ETNPPL: variants seen among roughly 807,000 people sequenced by gnomAD.
The protein encoded by ETNPPL is alanine--glyoxylate aminotransferase 2-like 1.
Under a neutral mutation model 55.5 loss-of-function variants are expected in ETNPPL, and 30 were observed. That is an observed-to-expected ratio of 0.54 (90% CI 0.40 to 0.73). The LOEUF is 0.73. Among genes scored for constraint, ETNPPL ranks in the 30% least tolerant of loss-of-function variants. ETNPPL has a pLI of 0.00. For synonymous variants in ETNPPL, 202 were observed against 207.2 expected (o/e 0.98, Z 0.21); for missense variants, 528 against 607.9 (o/e 0.87, Z 1.38).
intron 6 of ETNPPL, among the ~76,000 whole-genome samples, 154 bp downstream of exon 6, chr4:108,752,741 G>T (rs188302288): frequency 6.6e-6 from 1 of 152,154 alleles, no homozygotes; most frequent in African/African-American, 2.4e-5. Context: ...TTGTAATAAC[G>T]CATTTTTGAA....
Position 108,760,257 on chromosome 4 carries a change from C to G in ETNPPL, c.106G>C (p.Ala36Pro). ...FASDPIKIVR[A>P]QRQYMFDENG... ...TCATCAAACATGTACTGCCTCTGGG[C>G]TCTCACTATTTTGATGGGATCCGAT... Residue 36 changes from alanine to proline, a missense_variant, in exon 2 of 13, where the codon GCC (alanine) becomes CCC (proline). Physicochemically the swap from Ala to Pro is conservative, Grantham distance 27. Coordinates refer to ENST00000296486, the MANE Select transcript of ETNPPL (RefSeq NM_031279.4). 1 of 1,612,586 alleles carries G rather than the reference C, an allele frequency of 6.2e-7. No individual in the cohort carries two copies. Among genetic ancestry groups the G allele is most frequent in the East Asian group, 2.2e-5 (1 of 44,884 alleles).
At position 108,762,512 on chromosome 4, in the gene ETNPPL, T is replaced by C. The variant is rs1299313443; in HGVS notation, c.56+331A>G. The stretch of plus-strand genomic sequence containing the variant: ...CGGAGCGCTATCCTTCTTCCACCCA[T>C]CTCCCATCCCTGGAATGGTGTCTGC... On this transcript the variant is annotated intron_variant, in intron 1 of 12. Transcript: ENST00000296486. 4.5e-6 allele frequency: 3 copies of C among 669,966 alleles called. No individual in the cohort carries two copies. The South Asian group carries it at 4.6e-5, about 10-fold the overall frequency. 41.5% of individuals were successfully genotyped at this position (669,966 alleles called of 1,614,324 possible).
At position 108,747,146 on chromosome 4, in the gene ETNPPL, AT is replaced by A. The variant is rs1728575255; in HGVS notation, c.1083-296del. On this transcript the variant is annotated intron_variant, in intron 9 of 12. Transcript: ENST00000296486. ...ACATTATATATATATATATATATAT[AT>A]AATATATATATATATATTATATATA... is the stretch of plus-strand genomic sequence containing the variant. Among the ~76,000 whole-genome samples, 16 of 26,820 alleles carry A rather than the reference AT, an allele frequency of 6.0e-4. 1 individual carries two copies. Among genetic ancestry groups the A allele is most frequent in the South Asian group, 3.2e-3 (2 of 616 alleles). 17.6% of individuals were successfully genotyped at this position (26,820 alleles called of 152,430 possible).
chr4:108,742,800 T>A (rs868454581), intron 12 of ETNPPL, among the ~76,000 whole-genome samples, 188 bp from the exon 13 acceptor site: 37 of 152,200 alleles, frequency 2.4e-4, no homozygotes, highest in African/African-American at 8.4e-4. Flanking sequence ...CAACAGAAAA[T>A]CCGGGACTCC....
At chr4:108,761,544 T>C (rs1414629921) in intron 1 of ETNPPL, among the ~76,000 whole-genome samples, 1 of 152,232 alleles carries the variant, frequency 6.6e-6, no homozygotes, top group Non-Finnish European at 1.5e-5. Context: ...CACATTGCCT[T>C]TTTAATACAC....
chr4:108,750,528 G>GT (rs1728849109), intron 7 of ETNPPL, among the ~76,000 whole-genome samples: 1 of 144,992 alleles, frequency 6.9e-6, no homozygotes, highest in Admixed American at 7.0e-5. Flanking sequence ...GTGTGTGTAT[G>GT]ATATGTGATA....
intron 5 of ETNPPL, 60 bp from the exon 6 acceptor site, chr4:108,753,071 A>G (rs1728991070): frequency 3.4e-6 from 3 of 873,336 alleles, no homozygotes; most frequent in African/African-American, 3.4e-5. Context: ...CCTTAAAAAA[A>G]AGGCATTTCC....
At chr4:108,756,163 C>A (rs1729185156) in intron 4 of ETNPPL, among the ~76,000 whole-genome samples, 1 of 152,188 alleles carries the variant, frequency 6.6e-6, no homozygotes, top group Non-Finnish European at 1.5e-5. Flanking sequence ...ATGATTCATG[C>A]AAACTCCATG....
At chr4:108,742,689 A>G (rs1388791399) in intron 12 of ETNPPL, 77 bp from the exon 13 acceptor site, 1 of 1,543,164 alleles carries the variant, frequency 6.5e-7, no homozygotes, top group African/African-American at 1.4e-5. Flanking sequence ...TAACAAGTCC[A>G]CACACAAACA....
In ETNPPL at chr4:108,748,161, T is replaced by C; in HGVS notation, c.928-2A>G. 6.5e-7 allele frequency: 1 copy of C among 1,536,942 alleles called. No homozygotes were observed. The highest frequency in any genetic ancestry group is 1.2e-5 in the South Asian group (1 of 80,232). ...ACAAGATACTGGATTTCCTCCATAC[T>C]GTAAAAAAAAAAAAGACAAATGAGA... On this transcript the variant is annotated splice_acceptor_variant, in intron 8 of 12. Transcript: ENST00000296486. LOFTEE classifies it high-confidence loss of function.
At chr4:108,754,951 C>T (rs533298414) in intron 4 of ETNPPL, among the ~76,000 whole-genome samples, 1 of 152,182 alleles carries the variant, frequency 6.6e-6, no homozygotes, top group East Asian at 1.9e-4. Context: ...TCCTCATTGA[C>T]AATTTCTTTT....
Position 108,742,560 on chromosome 4 carries a change from T to C in ETNPPL, c.1424A>G (p.Lys475Arg), listed in dbSNP as rs142746027. Residue 475 changes from lysine (K) to arginine (R), a missense_variant, in exon 13 of 13, where the codon AAA (lysine) becomes AGA (arginine). Lys to Arg is a conservative substitution (Grantham distance 26, BLOSUM62 2). Transcript: ENST00000296486. ...ELLRDSTTDS[K>R]ENPSRKRNGM... is the part of the protein sequence containing the mutation. ...ATTTCTCTTTCTGCTGGGATTTTCT[T>C]TGGAGTCAGTGGTGCTGTCCCTAAG... The C allele has an allele frequency of 5.0e-6, 8 of 1,614,106 alleles. No homozygotes were observed. In the African/African-American group the frequency reaches 8.0e-5, roughly 16 times the overall value.
At chr4:108,754,592 T>G in intron 5 of ETNPPL, 28 bp downstream of exon 5, 1 of 1,145,840 alleles carries the variant, frequency 8.7e-7, no homozygotes, top group Non-Finnish European at 1.3e-6. Flanking sequence ...AATACAAACA[T>G]TCTGATTTAG....
At chr4:108,754,573 C>G (rs1729107203) in intron 5 of ETNPPL, 47 bp downstream of exon 5, 2 of 972,536 alleles carry the variant, frequency 2.1e-6, no homozygotes, top group Admixed American at 1.9e-5. Flanking sequence ...TATCATTAAG[C>G]ATTCCTCCAA....
chr4:108,763,033 G>C lies in ETNPPL; in HGVS notation c.-135C>G. The C allele has an allele frequency of 1.4e-6, 1 of 739,442 alleles. No individual in the cohort carries two copies. Among genetic ancestry groups the C allele is most frequent in the South Asian group, 1.6e-5 (1 of 60,688 alleles). 45.8% of individuals were successfully genotyped at this position (739,442 alleles called of 1,614,324 possible). A position where few individuals can be genotyped will look rare whatever the true frequency, so the allele number is the denominator to read the frequency against. The stretch of plus-strand genomic sequence containing the variant: ...CTCCTGGCGTTCTCTTGCCCGGGGC[G>C]TCGGAGGTCACCGGTGGCGTCAACT... On this transcript the variant is annotated 5_prime_UTR_variant, in exon 1 of 13. Transcript: ENST00000296486.
At position 108,748,215 on chromosome 4, in the gene ETNPPL, C is replaced by T. The variant is rs561848177; in HGVS notation, c.928-56G>A. 7.7e-4 allele frequency: 1,047 copies of T among 1,351,966 alleles called. 1 individual carries two copies. The highest frequency in any genetic ancestry group is 9.4e-4 in the Non-Finnish European group (936 of 998,590). 83.7% of individuals were successfully genotyped at this position (1,351,966 alleles called of 1,614,324 possible). ...TATACCAGTTGAATGAGTGGTATTC[C>T]CTCATCCATGAGAAATTTGGCTCAT... On this transcript the variant is annotated intron_variant, in intron 8 of 12. Transcript: ENST00000296486.
At chr4:108,756,784 C>G (rs970339090) in intron 3 of ETNPPL, among the ~76,000 whole-genome samples, 1 of 152,088 alleles carries the variant, frequency 6.6e-6, no homozygotes, top group African/African-American at 2.4e-5. Context: ...GGAGATTGCC[C>G]CACTGCACTC....
intron 1 of ETNPPL, chr4:108,762,209 C>T (rs571912133): frequency 5.4e-6 from 2 of 367,876 alleles, no homozygotes; most frequent in Admixed American, 6.9e-5. Context: ...ATTACTAAGT[C>T]GTTTGTGACG....
chr4:108,759,785 G>T lies in ETNPPL; in HGVS notation c.299C>A (p.Pro100Gln). The T allele has an allele frequency of 6.2e-7, 1 of 1,614,124 alleles. No homozygotes were observed. The highest frequency in any genetic ancestry group is 8.5e-7 in the Non-Finnish European group (1 of 1,180,018). Residue 100 changes from proline to glutamine, a missense_variant, in exon 3 of 13, where the codon CCG becomes CAG. Transcript: ENST00000296486. ...AAAATAACAAACAGAGAGTTTCTCC[G>T]GCAGAGTTGCTGAAAGGCGTTTGGC... ...EYAKRLSATL[P>Q]EKLSVCYFTN...
Sources: gnomAD v4.1 joint callset for allele counts (sites outside exome capture counted in the v4.1 genomes callset) on GRCh38, gnomAD v4.1.1 for gene constraint, MANE v1.5 for transcripts, NCBI Gene and HGNC (gene_info 2026-07-23, HGNC 2026-07-21) for gene names.